Variants in LRFN5 observed in about 807,000 individuals in gnomAD.
The protein encoded by LRFN5 is leucine rich repeat and fibronectin type III domain containing 5, also known as leucine-rich repeat and fibronectin type-III domain-containing protein 5.
A neutral mutation model predicts 45.6 loss-of-function variants in LRFN5; 24 were observed. The ratio of observed to expected loss-of-function variants is 0.53; its 90% CI spans 0.38 to 0.74. LRFN5 has a LOEUF of 0.74. Ranked by LOEUF, LRFN5 falls within the 30% of genes least tolerant of loss-of-function variation. The pLI, the probability that LRFN5 is intolerant of heterozygous loss-of-function variation, is 0.00. For missense variants in LRFN5, 776 were observed against 861.5 expected (o/e 0.90, Z 1.24); for synonymous variants, 340 against 313.8 (o/e 1.08, Z -0.88).
chr14:41,802,202 G>A (rs533100124), intron 2 of LRFN5, among the ~76,000 whole-genome samples: 10 of 152,268 alleles, frequency 6.6e-5, no homozygotes, highest in African/African-American at 2.4e-4. Context: ...TATTGCAATA[G>A]TGGAAAAGAA....
intron 1 of LRFN5, among the ~76,000 whole-genome samples, chr14:41,620,059 G>C (rs2138555796): frequency 6.6e-6 from 1 of 152,042 alleles, no homozygotes; most frequent in East Asian, 1.9e-4. Context: ...ATATTTTACA[G>C]GTTAGACTGT....
At chr14:41,730,412 A>G (rs1220524766) in intron 1 of LRFN5, among the ~76,000 whole-genome samples, 2 of 151,960 alleles carry the variant, frequency 1.3e-5, no homozygotes. Flanking sequence ...TTTAGTGGCA[A>G]TGCACTTTGC....
At chr14:41,674,376 G>A (rs1267957875) in intron 1 of LRFN5, among the ~76,000 whole-genome samples, 4 of 140,890 alleles carry the variant, frequency 2.8e-5, no homozygotes, top group East Asian at 4.4e-4. Context: ...CCGGGCGGGG[G>A]GCTGACCCCC....
intron 1 of LRFN5, among the ~76,000 whole-genome samples, chr14:41,689,499 G>T (rs983524915): frequency 6.6e-6 from 1 of 152,068 alleles, no homozygotes; most frequent in African/African-American, 2.4e-5. Flanking sequence ...TGACTTAGAT[G>T]AAATAAATAA....
intron 4 of LRFN5, chr14:41,893,274 C>T (rs1890841747): frequency 2.1e-6 from 2 of 953,142 alleles, no homozygotes; most frequent in Non-Finnish European, 2.5e-6. Context: ...TAGAAATTTA[C>T]TGAAATTAAG....
At chr14:41,770,244 A>G (rs538387858) in intron 2 of LRFN5, among the ~76,000 whole-genome samples, 2 of 152,206 alleles carry the variant, frequency 1.3e-5, no homozygotes, top group Non-Finnish European at 2.9e-5. Context: ...TTACATTGTA[A>G]TAAGAGATTT....
chr14:41,793,568 A>C (rs1460586529), intron 2 of LRFN5, among the ~76,000 whole-genome samples: 1 of 152,050 alleles, frequency 6.6e-6, no homozygotes, highest in African/African-American at 2.4e-5. Context: ...CTGGTAGGGC[A>C]ACACTACAAT....
chr14:41,655,600 G>A (rs1044385552), intron 1 of LRFN5, among the ~76,000 whole-genome samples: 6 of 151,968 alleles, frequency 3.9e-5, no homozygotes, highest in Admixed American at 2.6e-4. Context: ...CATCTGACAT[G>A]GTTTAAAGAG....
intron 2 of LRFN5, among the ~76,000 whole-genome samples, chr14:41,779,377 A>G (rs1886404004): frequency 6.6e-6 from 1 of 151,774 alleles, no homozygotes; most frequent in Admixed American, 6.6e-5. Flanking sequence ...CAATTTGTTA[A>G]TATGTTATTA....
At chr14:41,610,430 C>T (rs1459810597) in intron 1 of LRFN5, among the ~76,000 whole-genome samples, 7 of 151,880 alleles carry the variant, frequency 4.6e-5, no homozygotes, top group Non-Finnish European at 1.0e-4. Context: ...TTGCTCTCCT[C>T]GGTTTGATCA....
intron 1 of LRFN5, among the ~76,000 whole-genome samples, chr14:41,624,217 G>T (rs61625810): frequency 6.6e-6 from 1 of 151,918 alleles, no homozygotes; most frequent in East Asian, 1.9e-4. Flanking sequence ...AATATTTTAA[G>T]TATAGTCCAA....
At chr14:41,743,332 T>G (rs1884787135) in intron 1 of LRFN5, among the ~76,000 whole-genome samples, 1 of 146,916 alleles carries the variant, frequency 6.8e-6, no homozygotes, top group Non-Finnish European at 1.5e-5. Flanking sequence ...TGGTGTATGC[T>G]AGAGACTTGA....
intron 2 of LRFN5, among the ~76,000 whole-genome samples, chr14:41,770,249 A>G (rs1011142641): frequency 6.6e-6 from 1 of 152,198 alleles, no homozygotes; most frequent in Non-Finnish European, 1.5e-5. Context: ...TTGTAATAAG[A>G]GATTTGGAGG....
chr14:41,894,432 CA>C (rs1408255843), intron 4 of LRFN5: 2 of 910,490 alleles, frequency 2.2e-6, no homozygotes, highest in Non-Finnish European at 2.6e-6. Context: ...TTAATATGAT[CA>C]TTTTTACAAT....
intron 4 of LRFN5, chr14:41,895,111 T>C: frequency 3.2e-6 from 3 of 935,968 alleles, no homozygotes; most frequent in Non-Finnish European, 3.8e-6. Context: ...TACTTCAAAC[T>C]TTTTTTAAAA....
At chr14:41,609,234 A>C (rs1332689351) in intron 1 of LRFN5, among the ~76,000 whole-genome samples, 5 of 152,206 alleles carry the variant, frequency 3.3e-5, no homozygotes, top group African/African-American at 4.8e-5. Flanking sequence ...TATCTAGCAG[A>C]ACCAGGCTAA....
intron 2 of LRFN5, among the ~76,000 whole-genome samples, chr14:41,816,719 G>A (rs539281992): frequency 6.6e-6 from 1 of 151,860 alleles, no homozygotes; most frequent in South Asian, 2.1e-4. Context: ...TCTTTATTCT[G>A]TAGCTTGAAA....
At chr14:41,855,677 A>G (rs1889427641) in intron 2 of LRFN5, among the ~76,000 whole-genome samples, 1 of 152,088 alleles carries the variant, frequency 6.6e-6, no homozygotes, top group Non-Finnish European at 1.5e-5. Flanking sequence ...CTTGATGACT[A>G]TGCTAGCAAG....
Position 41,734,333 on chromosome 14 carries a change from TA to T in LRFN5, c.-196-32520del, listed in dbSNP as rs762341726. On this transcript the variant is annotated intron_variant, in intron 1 of 5. Coordinates refer to ENST00000298119, the MANE Select transcript of LRFN5 (RefSeq NM_152447.5). ...GACTGGTTTTATATATATATATATATATATATATATATTTAAATTTGCTGTA... is the reference window on the plus strand; with the variant it reads ...GACTGGTTTTATATATATATATATATTATATATATATTTAAATTTGCTGTA... Among the ~76,000 whole-genome samples the T allele has an allele frequency of 3.6e-4, 38 of 105,824 alleles. 6 individuals are homozygous for T. The East Asian group carries it at 0.013, about 35-fold the overall frequency. 69.4% of individuals were successfully genotyped at this position (105,824 alleles called of 152,430 possible).
Sources: gnomAD v4.1 joint callset for allele counts (sites outside exome capture counted in the v4.1 genomes callset) on GRCh38, gnomAD v4.1.1 for gene constraint, MANE v1.5 for transcripts, NCBI Gene and HGNC (gene_info 2026-07-23, HGNC 2026-07-21) for gene names.